Variants in CHN1 observed in about 807,000 individuals in gnomAD.
The protein encoded by CHN1 is N-chimaerin.
Under a neutral mutation model 59.5 loss-of-function variants are expected in CHN1, and 37 were observed. That is an observed-to-expected ratio of 0.62 (90% CI 0.48 to 0.82). The LOEUF (loss-of-function observed/expected upper bound fraction) is 0.82. Among genes scored for constraint, CHN1 ranks in the 40% least tolerant of loss-of-function variants. The pLI is 0.00. For synonymous variants in CHN1, 206 were observed against 200.4 expected (o/e 1.03, Z -0.24); for missense variants, 469 against 571.0 (o/e 0.82, Z 1.82).
intron 1 of CHN1, among the ~76,000 whole-genome samples, chr2:174,970,397 T>C (rs1690722761): frequency 6.6e-6 from 1 of 152,186 alleles, no homozygotes; most frequent in Non-Finnish European, 1.5e-5. Flanking sequence ...AGCTTGCGAC[T>C]CCAACAAAAA....
intron 6 of CHN1, among the ~76,000 whole-genome samples, chr2:174,870,018 G>A (rs1163281089): frequency 1.3e-5 from 2 of 152,166 alleles, no homozygotes; most frequent in African/African-American, 2.4e-5. Context: ...ATGAAGTAAT[G>A]TAGATATTAT....
At chr2:174,940,554 C>T (rs2105399147) in intron 3 of CHN1, among the ~76,000 whole-genome samples, 1 of 151,742 alleles carries the variant, frequency 6.6e-6, no homozygotes, top group East Asian at 1.9e-4. Flanking sequence ...ATGATAATGA[C>T]ATTATTTATA....
intron 7 of CHN1, among the ~76,000 whole-genome samples, chr2:174,840,449 A>C (rs909777857): frequency 6.6e-6 from 1 of 152,138 alleles, no homozygotes; most frequent in Non-Finnish European, 1.5e-5. Flanking sequence ...TACAGGCATG[A>C]GCCACTGTGC....
In CHN1 at chr2:174,821,536, T is replaced by C. The variant is rs1403532771; in HGVS notation, c.712+2898A>G. On this transcript the variant is annotated intron_variant, in intron 8 of 12. Coordinates refer to ENST00000409900, the MANE Select transcript of CHN1 (RefSeq NM_001822.7). ...TGAGAGTATTAAGAGAAGGGACCTT[T>C]CAGAGATGATTAGCTTATGAGGGCG... Among the ~76,000 whole-genome samples the C allele has an allele frequency of 3.9e-5, 6 of 152,226 alleles. No homozygotes were observed. In the East Asian group the frequency reaches 5.8e-4, roughly 15 times the overall value.
Position 174,798,890 on chromosome 2 carries a change from C to T in CHN1, c.*1226G>A, listed in dbSNP as rs1343756441. On this transcript the variant is annotated 3_prime_UTR_variant, in exon 13 of 13. Transcript: ENST00000409900. ...TAGAAAGGTGTTCATCTGATAGGCA[C>T]AGAAACAGACTCTGGAGGGTTGTTG... Among the ~76,000 whole-genome samples the T allele has an allele frequency of 6.6e-6, 1 of 152,220 alleles. No individual in the cohort carries two copies. Among genetic ancestry groups the T allele is most frequent in the African/African-American group, 2.4e-5 (1 of 41,452 alleles).
intron 2 of CHN1, among the ~76,000 whole-genome samples, chr2:174,948,232 C>G (rs1689903341): frequency 6.6e-6 from 1 of 152,026 alleles, no homozygotes; most frequent in Non-Finnish European, 1.5e-5. Context: ...ACAACAAAAG[C>G]AAAAGAGAAT....
intron 1 of CHN1, among the ~76,000 whole-genome samples, chr2:174,977,162 G>A (rs1426559373): frequency 6.6e-6 from 1 of 152,160 alleles, no homozygotes; most frequent in East Asian, 1.9e-4. Flanking sequence ...CTGTCTCAAC[G>A]ACTGAACTCT....
At position 174,945,935 on chromosome 2, in the gene CHN1, AT is replaced by A. The variant is rs1232706577; in HGVS notation, c.59-993del. ...TGTGTGTGTGTGTGTGTGTGTGTAT[AT>A]ATATATAAATGTGTGTGTATATATA... On this transcript the variant is annotated intron_variant, in intron 2 of 12. Coordinates refer to ENST00000409900, the MANE Select transcript of CHN1 (RefSeq NM_001822.7). Among the ~76,000 whole-genome samples the A allele has an allele frequency of 2.0e-5, 3 of 151,666 alleles. No individual in the cohort carries two copies. The East Asian group carries it at 5.8e-4, about 29-fold the overall frequency.
At chr2:174,967,974 T>A (rs1361725220) in intron 1 of CHN1, among the ~76,000 whole-genome samples, 2 of 152,194 alleles carry the variant, frequency 1.3e-5, no homozygotes, top group Admixed American at 1.3e-4. Context: ...AGAATGTGCA[T>A]TATTCTGCAA....
chr2:174,949,376 T>G (rs890530613), intron 2 of CHN1, among the ~76,000 whole-genome samples: 1 of 151,928 alleles, frequency 6.6e-6, no homozygotes, highest in African/African-American at 2.4e-5. Flanking sequence ...GAGTTCAGAG[T>G]ACTGATCACA....
At chr2:174,869,912 A>T (rs552521314) in intron 6 of CHN1, among the ~76,000 whole-genome samples, 2 of 152,296 alleles carry the variant, frequency 1.3e-5, no homozygotes, top group South Asian at 4.1e-4. Flanking sequence ...GAAGGTGCTA[A>T]ACAATCTGCA....
intron 7 of CHN1, chr2:174,846,160 G>A: frequency 9.8e-7 from 1 of 1,019,586 alleles, no homozygotes; most frequent in Non-Finnish European, 1.3e-6. Flanking sequence ...GAATTAGATT[G>A]CAAAGGACAG....
chr2:174,849,134 G>A (rs1308968166), intron 6 of CHN1, among the ~76,000 whole-genome samples: 1 of 152,074 alleles, frequency 6.6e-6, no homozygotes, highest in Admixed American at 6.6e-5. Flanking sequence ...AACCAAAGTA[G>A]CATCTTTTTC....
chr2:174,901,610 T>C (rs1447705603), intron 5 of CHN1, among the ~76,000 whole-genome samples: 1 of 152,212 alleles, frequency 6.6e-6, no homozygotes, highest in Non-Finnish European at 1.5e-5. Flanking sequence ...AGGCCAGGGA[T>C]CTTGACTGTT....
intron 1 of CHN1, among the ~76,000 whole-genome samples, chr2:174,998,302 C>CAAA (rs34770658): frequency 3.7e-4 from 18 of 48,688 alleles, no homozygotes; most frequent in Admixed American, 9.0e-4. Flanking sequence ...GACTCTGTCT[C>CAAA]AAAAAAAAAA....
intron 5 of CHN1, among the ~76,000 whole-genome samples, chr2:174,898,177 G>A (rs1688277295): frequency 6.6e-6 from 1 of 152,132 alleles, no homozygotes; most frequent in African/African-American, 2.4e-5. Flanking sequence ...AAATTTGGGT[G>A]CCACACACAG....
In CHN1 at chr2:174,924,747, T is replaced by C. The variant is rs554015084; in HGVS notation, c.115-6182A>G. Among the ~76,000 whole-genome samples, 32 of 152,346 alleles carry C rather than the reference T, an allele frequency of 2.1e-4. 1 individual carries two copies. The highest frequency in any genetic ancestry group is 7.0e-4 in the African/African-American group (29 of 41,582). ...ATTAATAACCCCAAATTAGTTTACT[T>C]GCAAATACATCAAATGAGGAACTTC... is the stretch of plus-strand genomic sequence containing the variant. On this transcript the variant is annotated intron_variant, in intron 3 of 12. Transcript: ENST00000409900.
chr2:174,879,348 T>C (rs181144481), intron 5 of CHN1, among the ~76,000 whole-genome samples: 1 of 152,352 alleles, frequency 6.6e-6, no homozygotes, highest in Non-Finnish European at 1.5e-5. Context: ...TTTCTGTAGT[T>C]CAAATTAGAC....
chr2:174,828,664 T>C (rs1377040798), intron 7 of CHN1, among the ~76,000 whole-genome samples: 1 of 152,212 alleles, frequency 6.6e-6, no homozygotes, highest in East Asian at 1.9e-4. Flanking sequence ...CTGAATACAA[T>C]GAACATTCAA....
Sources: gnomAD v4.1 joint callset for allele counts (sites outside exome capture counted in the v4.1 genomes callset) on GRCh38, gnomAD v4.1.1 for gene constraint, MANE v1.5 for transcripts, NCBI Gene and HGNC (gene_info 2026-07-23, HGNC 2026-07-21) for gene names.